Variants in CTNND2 observed in about 807,000 individuals in gnomAD.
The protein encoded by CTNND2 is catenin delta-2.
In CTNND2, 22 loss-of-function variants were observed where a neutral mutation model predicts 144.4. The observed-to-expected ratio is 0.15, with a 90% CI of 0.11 to 0.22. The LOEUF (loss-of-function observed/expected upper bound fraction) is 0.22. CTNND2 is among the 10% of genes least tolerant of loss of function. The pLI is 1.00. For missense variants in CTNND2, 1,353 were observed against 1,618.8 expected (o/e 0.84, Z 2.82); for synonymous variants, 751 against 695.6 (o/e 1.08, Z -1.25).
intron 3 of CTNND2, among the ~76,000 whole-genome samples, chr5:11,467,792 A>G (rs61757526): frequency 1.1e-3 from 164 of 152,334 alleles, no homozygotes; most frequent in African/African-American, 3.7e-3. Flanking sequence ...TGCAACCAAC[A>G]TTCCTGTTTT....
intron 20 of CTNND2, chr5:10,986,675 G>A: frequency 2.2e-6 from 1 of 456,240 alleles, no homozygotes; most frequent in South Asian, 1.5e-5. Flanking sequence ...TCCCGTTCAG[G>A]AAACGTCTCA....
intron 3 of CTNND2, among the ~76,000 whole-genome samples, chr5:11,547,809 A>G (rs1775373667): frequency 6.6e-6 from 1 of 152,230 alleles, no homozygotes; most frequent in Non-Finnish European, 1.5e-5. Flanking sequence ...AACTTTGCAC[A>G]AGTACTTTTG....
chr5:11,532,136 A>C (rs1190918970), intron 3 of CTNND2, among the ~76,000 whole-genome samples: 1 of 151,968 alleles, frequency 6.6e-6, no homozygotes, highest in Admixed American at 6.6e-5. Context: ...CACCACCTCC[A>C]AACAATCCTG....
chr5:11,538,491 C>T (rs1296630267), intron 3 of CTNND2, among the ~76,000 whole-genome samples: 1 of 152,162 alleles, frequency 6.6e-6, no homozygotes, highest in Non-Finnish European at 1.5e-5. Flanking sequence ...ATACACAGGG[C>T]AAAAGAAGAT....
intron 17 of CTNND2, among the ~76,000 whole-genome samples, chr5:11,021,949 T>C (rs913900661): frequency 5.3e-5 from 8 of 152,182 alleles, no homozygotes; most frequent in African/African-American, 1.9e-4. Flanking sequence ...TTAGTGAAGG[T>C]TTCTGTAAAA....
rs573323746 is a variant in CTNND2 at position 11,277,620 on chromosome 5, C to T, written c.1629-40797G>A. ...GATCTGAACTCACTGCAGCCTCAAC[C>T]TCCGAGGTTCAAGAGATCCTCCCAC... is the stretch of plus-strand genomic sequence containing the variant. On this transcript the variant is annotated intron_variant, in intron 9 of 21. Transcript: ENST00000304623. Among the ~76,000 whole-genome samples the T allele has an allele frequency of 1.6e-3, 250 of 151,982 alleles. 1 individual carries two copies. Among genetic ancestry groups the T allele is most frequent in the African/African-American group, 2.3e-3 (96 of 41,450 alleles).
intron 3 of CTNND2, among the ~76,000 whole-genome samples, chr5:11,466,719 C>T (rs1231219301): frequency 6.6e-6 from 1 of 152,160 alleles, no homozygotes; most frequent in Admixed American, 6.5e-5. Context: ...GATGACATTT[C>T]CAAGGCCCAC....
intron 16 of CTNND2, 107 bp downstream of exon 16, chr5:11,082,589 C>T (rs929110984): frequency 1.2e-5 from 16 of 1,293,970 alleles, no homozygotes; most frequent in African/African-American, 5.9e-5. Flanking sequence ...AATAAATGCA[C>T]GGCTTCTGTG....
chr5:11,110,892 C>T lies in CTNND2; in HGVS notation c.2429G>A (p.Gly810Asp). Residue 810 changes from glycine to aspartate, a missense_variant, in exon 14 of 22, where the codon GGC (glycine) becomes GAC (aspartate). Coordinates refer to ENST00000304623, the MANE Select transcript of CTNND2 (RefSeq NM_001332.4). ...GKDAESSGCW[G>D]KKKKKKKSQD... Reference sequence around the variant, plus strand: ...GGATTTCTTTTTCTTCTTCTTCTTGCCCCAGCACCCAGAGCTCTCAGCATC... The same window carrying T: ...GGATTTCTTTTTCTTCTTCTTCTTGTCCCAGCACCCAGAGCTCTCAGCATC... 1 of 1,613,832 alleles carries T rather than the reference C, an allele frequency of 6.2e-7. No individual in the cohort carries two copies. The highest frequency in any genetic ancestry group is 8.5e-7 in the Non-Finnish European group (1 of 1,179,978).
chr5:11,262,344 T>C (rs1244602419), intron 9 of CTNND2, among the ~76,000 whole-genome samples: 3 of 152,188 alleles, frequency 2.0e-5, no homozygotes, highest in Admixed American at 1.3e-4. Context: ...TGTCTCCTTG[T>C]TCCTACTAAA....
intron 2 of CTNND2, among the ~76,000 whole-genome samples, chr5:11,621,035 G>T (rs1187478442): frequency 6.6e-6 from 1 of 152,120 alleles, no homozygotes; most frequent in Non-Finnish European, 1.5e-5. Flanking sequence ...TGTTTACTCA[G>T]CCATTCTCAG....
At chr5:11,750,603 GTTCAGCT>G (rs1561761777) in intron 1 of CTNND2, among the ~76,000 whole-genome samples, 3 of 151,804 alleles carry the variant, frequency 2.0e-5, no homozygotes, top group Non-Finnish European at 4.4e-5. Flanking sequence ...CCCCCAAAGG[GTTCAGCT>G]TTAATTACAG....
intron 12 of CTNND2, among the ~76,000 whole-genome samples, chr5:11,154,022 C>G (rs1757990778): frequency 6.6e-6 from 1 of 152,194 alleles, no homozygotes; most frequent in Non-Finnish European, 1.5e-5. Flanking sequence ...ATGATAACAG[C>G]CACAGCGGGA....
In CTNND2 at chr5:11,419,013, T is replaced by C. The variant is rs1024209994; in HGVS notation, c.288-6944A>G. ...GCATCTCTCTATATATATATATCTA[T>C]ATAGATGTCTATCTATATATAGATA... On this transcript the variant is annotated intron_variant, in intron 3 of 21. Transcript: ENST00000304623. Among the ~76,000 whole-genome samples the C allele has an allele frequency of 7.4e-4, 110 of 148,572 alleles. 1 individual carries two copies. Among genetic ancestry groups the C allele is most frequent in the African/African-American group, 2.5e-3 (102 of 40,470 alleles).
At chr5:11,189,339 C>T (rs566282427) in intron 11 of CTNND2, among the ~76,000 whole-genome samples, 1 of 152,268 alleles carries the variant, frequency 6.6e-6, no homozygotes, top group Non-Finnish European at 1.5e-5. Context: ...CTTCCATATA[C>T]ATTTGACTTT....
intron 1 of CTNND2, among the ~76,000 whole-genome samples, chr5:11,815,978 C>T (rs1277418726): frequency 6.6e-6 from 1 of 152,072 alleles, no homozygotes; most frequent in Non-Finnish European, 1.5e-5. Context: ...AGCAAGGAGA[C>T]AGCATCTCCT....
intron 1 of CTNND2, among the ~76,000 whole-genome samples, chr5:11,789,598 T>C (rs1364397185): frequency 1.3e-5 from 2 of 152,192 alleles, no homozygotes; most frequent in Non-Finnish European, 2.9e-5. Context: ...AATATCTTAA[T>C]GGACTCATTT....
In CTNND2 at chr5:10,981,754, C is replaced by T. The variant is rs1454282127; in HGVS notation, c.3417+19G>A. On this transcript the variant is annotated intron_variant, in intron 21 of 21. Coordinates refer to ENST00000304623, the MANE Select transcript of CTNND2 (RefSeq NM_001332.4). ...AGTCACACTGAAAAGGAAATACAAA[C>T]GTGTTGCATTTACTTTACCTGGTTG... The T allele has an allele frequency of 4.4e-6, 7 of 1,590,220 alleles. No individual in the cohort carries two copies. The highest frequency in any genetic ancestry group is 4.5e-5 in the East Asian group (2 of 44,724).
chr5:11,609,664 C>T (rs1171020011), intron 2 of CTNND2, among the ~76,000 whole-genome samples: 4 of 152,194 alleles, frequency 2.6e-5, no homozygotes, highest in Admixed American at 1.3e-4. Flanking sequence ...AGGCCCAACA[C>T]TGACAAGTGA....
Sources: allele counts gnomAD v4.1 joint callset (sites outside exome capture counted in the v4.1 genomes callset), GRCh38; gene constraint gnomAD v4.1.1; transcripts MANE v1.5; gene names NCBI Gene and HGNC (gene_info 2026-07-23, HGNC 2026-07-21).